TSPEAR: variants seen among roughly 807,000 people sequenced by gnomAD.
The protein encoded by TSPEAR is thrombospondin-type laminin G domain and EAR repeat-containing protein.
TSPEAR carries 69 observed loss-of-function variants against 71.6 expected under a neutral mutation model. That is an observed-to-expected ratio of 0.96 (90% confidence interval 0.79 to 1.18). TSPEAR has a LOEUF of 1.18. Among genes scored for constraint, TSPEAR ranks in the 50% most tolerant of loss-of-function variants. The pLI, the probability that TSPEAR is intolerant of heterozygous loss-of-function variation, is 0.00. For synonymous variants in TSPEAR, 402 were observed against 387.2 expected, an observed-to-expected ratio of 1.04 and a Z score of -0.45; for missense variants, 971 against 894.9, an observed-to-expected ratio of 1.09 and a Z score of -1.09.
chr21:44,682,798 T>C (rs982932666), intron 1 of TSPEAR, among the ~76,000 whole-genome samples: 1 of 152,092 alleles, frequency 6.6e-6, no homozygotes, highest in African/African-American at 2.4e-5. Context: ...CAGAGCAGAA[T>C]ACAGTGACCC....
In TSPEAR at chr21:44,541,650, GA is replaced by G. The variant is rs372406382; in HGVS notation, c.304-7728del. Among the ~76,000 whole-genome samples the G allele has an allele frequency of 2.1e-3, 313 of 152,202 alleles. 6 individuals are homozygous for G. The highest frequency in any genetic ancestry group is 0.014 in the Middle Eastern group (4 of 294). On this transcript the variant is annotated intron_variant, in intron 2 of 11. Transcript: ENST00000323084. ...TTTTAGTAGTCTCATGGAATTAGAA[GA>G]AAAAAACCACAGAGTTCAGGACCTG...
chr21:44,513,123 C>T (rs1342204246), intron 9 of TSPEAR, among the ~76,000 whole-genome samples: 2 of 152,248 alleles, frequency 1.3e-5, no homozygotes, highest in Admixed American at 6.5e-5. Context: ...TGGAGGCTGG[C>T]AGAACCCCCA....
chr21:44,637,643 C>A (rs782493011), intron 1 of TSPEAR: 2 of 1,579,246 alleles, frequency 1.3e-6, no homozygotes, highest in African/African-American at 2.7e-5. Flanking sequence ...CCCATGCTAC[C>A]AGCAGTCTAG....
chr21:44,702,585 T>C, intron 1 of TSPEAR: 8 of 1,607,592 alleles, frequency 5.0e-6, no homozygotes, highest in South Asian at 2.2e-5. Context: ...CTTGCTGCAC[T>C]TCCTCCTGCT....
At chr21:44,649,385 G>C (rs922759631) in intron 1 of TSPEAR, among the ~76,000 whole-genome samples, 1 of 152,198 alleles carries the variant, frequency 6.6e-6, no homozygotes, top group Non-Finnish European at 1.5e-5. Flanking sequence ...GAAGTTTCTA[G>C]ATATGGGCCT....
At chr21:44,671,067 C>G (rs1307542254) in intron 1 of TSPEAR, among the ~76,000 whole-genome samples, 1 of 152,238 alleles carries the variant, frequency 6.6e-6, no homozygotes, top group Non-Finnish European at 1.5e-5. Context: ...ATCTGGGGGC[C>G]TGGTGGTCCC....
chr21:44,579,548 G>C lies in TSPEAR; in HGVS notation c.83-11543C>G, dbSNP rs1282603392. ...GACATGGGGCAGAGAAGCTGGGAGG[G>C]AGGACAGGGGACCCAACAGGCAGGT... On this transcript the variant is annotated intron_variant, in intron 1 of 11. Transcript: ENST00000323084. 4.8e-6 allele frequency: 3 copies of C among 624,816 alleles called. No individual in the cohort carries two copies. In the African/African-American group the frequency reaches 5.5e-5, roughly 12 times the overall value. 38.7% of individuals were successfully genotyped at this position (624,816 alleles called of 1,614,324 possible).
chr21:44,684,083 A>G (rs538655184), intron 1 of TSPEAR, among the ~76,000 whole-genome samples: 1 of 152,344 alleles, frequency 6.6e-6, no homozygotes, highest in Admixed American at 6.5e-5. Flanking sequence ...CAAAATCTCA[A>G]AAGCAGTGAC....
chr21:44,699,377 CAAAA>C (rs55846070), intron 1 of TSPEAR, among the ~76,000 whole-genome samples: 2 of 65,392 alleles, frequency 3.1e-5, no homozygotes, highest in African/African-American at 5.9e-5. Context: ...GACACTGTCT[CAAAA>C]AAAAAAAAAA....
chr21:44,657,687 C>T (rs944565584), intron 1 of TSPEAR, among the ~76,000 whole-genome samples: 13 of 152,158 alleles, frequency 8.5e-5, no homozygotes, highest in Non-Finnish European at 1.3e-4. Flanking sequence ...GCTATGTGCA[C>T]GGTAGTAGCC....
intron 1 of TSPEAR, among the ~76,000 whole-genome samples, chr21:44,640,823 C>T (rs1281858405): frequency 6.6e-6 from 1 of 152,208 alleles, no homozygotes; most frequent in African/African-American, 2.4e-5. Flanking sequence ...AGGGACCATA[C>T]ATGAGGATGA....
chr21:44,597,757 TATCTTGTAAGCAGC>T (rs1464286625), intron 1 of TSPEAR, among the ~76,000 whole-genome samples: 1 of 152,200 alleles, frequency 6.6e-6, no homozygotes, highest in Non-Finnish European at 1.5e-5. Context: ...TCAGGCTCTG[TATCTTGTAAGCAGC>T]ATGTAGTTAG....
Position 44,602,032 on chromosome 21 carries a change from G to A in TSPEAR, c.83-34027C>T, listed in dbSNP as rs1481034138. The A allele has an allele frequency of 9.7e-6, 5 of 514,518 alleles. No homozygotes were observed. In the African/African-American group the frequency reaches 1.1e-4, roughly 11 times the overall value. 31.9% of individuals were successfully genotyped at this position (514,518 alleles called of 1,614,324 possible). ...TGTGGGGAGAAATGAGGGTAGACAGGTACCAACTGGGTTTCTCGTCACTGT... is the reference window on the plus strand; with the variant it reads ...TGTGGGGAGAAATGAGGGTAGACAGATACCAACTGGGTTTCTCGTCACTGT... On this transcript the variant is annotated intron_variant, in intron 1 of 11. Transcript: ENST00000323084.
intron 2 of TSPEAR, among the ~76,000 whole-genome samples, chr21:44,541,310 GCGATTCC>G (rs1418697659): frequency 6.6e-6 from 1 of 152,174 alleles, no homozygotes; most frequent in Non-Finnish European, 1.5e-5. Context: ...AGCTCTGAAC[GCGATTCC>G]ATTGTGCCAC....
At chr21:44,679,131 T>C (rs1569255065) in intron 1 of TSPEAR, among the ~76,000 whole-genome samples, 1 of 152,178 alleles carries the variant, frequency 6.6e-6, no homozygotes, top group Non-Finnish European at 1.5e-5. Flanking sequence ...CACCAGCTTA[T>C]CTTACCACCA....
chr21:44,582,416 G>T (rs587671577), intron 1 of TSPEAR, among the ~76,000 whole-genome samples: 1 of 152,350 alleles, frequency 6.6e-6, no homozygotes, highest in South Asian at 2.1e-4. Context: ...GTGGTCCTGA[G>T]CCAGCGGGAT....
At chr21:44,527,245 C>A in intron 7 of TSPEAR, 47 bp downstream of exon 7, 2 of 1,607,094 alleles carry the variant, frequency 1.2e-6, no homozygotes, top group Admixed American at 1.7e-5. Context: ...GGACTCGGGG[C>A]TTTCCAAGAG....
Position 44,574,326 on chromosome 21 carries a change from G to A in TSPEAR, c.83-6321C>T, listed in dbSNP as rs587670145. On this transcript the variant is annotated intron_variant, in intron 1 of 11. Transcript: ENST00000323084. The stretch of plus-strand genomic sequence containing the variant: ...TGTGTCCAGCCCCTGCTGCCAGGCG[G>A]TCTGTGAGCCCAGCCCCTGCCAATC... The A allele has an allele frequency of 3.5e-5, 56 of 1,602,230 alleles. 1 individual carries two copies. The African/African-American group carries it at 4.9e-4, about 14-fold the overall frequency.
chr21:44,525,583 G>A (rs1555914816), intron 8 of TSPEAR, 70 bp downstream of exon 8: 6 of 1,480,160 alleles, frequency 4.1e-6, no homozygotes, highest in Middle Eastern at 2.1e-4. Context: ...ATACACATTC[G>A]CCCTGCCTGC....
Sources: gnomAD v4.1 joint callset for allele counts (sites outside exome capture counted in the v4.1 genomes callset) on GRCh38, gnomAD v4.1.1 for gene constraint, MANE v1.5 for transcripts, NCBI Gene and HGNC (gene_info 2026-07-23, HGNC 2026-07-21) for gene names.